Variants in AMPH observed in about 807,000 individuals in gnomAD.
AMPH encodes amphiphysin, also known as amphiphysin (Stiff-Mann syndrome with breast cancer 128kD autoantigen).
A neutral mutation model predicts 99.1 loss-of-function variants in AMPH; 49 were observed. The ratio of observed to expected loss-of-function variants is 0.49; its 90% CI spans 0.39 to 0.63. AMPH has a LOEUF of 0.63. Ranked by LOEUF, AMPH falls within the 20% of genes least tolerant of loss-of-function variation. The pLI is 0.00. For synonymous variants in AMPH, 314 were observed against 317.3 expected, an observed-to-expected ratio of 0.99 and a Z score of 0.11; for missense variants, 759 against 863.4, an observed-to-expected ratio of 0.88 and a Z score of 1.52.
At chr7:38,603,671 T>C (rs924848635) in intron 1 of AMPH, among the ~76,000 whole-genome samples, 1 of 152,150 alleles carries the variant, frequency 6.6e-6, no homozygotes, top group Non-Finnish European at 1.5e-5. Flanking sequence ...GGCCTCCATA[T>C]CAGTCTTCCA....
intron 17 of AMPH, among the ~76,000 whole-genome samples, chr7:38,415,827 C>T (rs865940640): frequency 3.9e-5 from 6 of 152,052 alleles, no homozygotes; most frequent in South Asian, 4.2e-4. Flanking sequence ...AGCTCTGCAC[C>T]TATGATTCTT....
At chr7:38,466,503 T>C (rs76271443) in intron 7 of AMPH, among the ~76,000 whole-genome samples, 14,578 of 151,350 alleles carry the variant, frequency 0.096, 921 homozygotes, top group Middle Eastern at 0.2. Flanking sequence ...ATTCTCAAAC[T>C]TTAGTGTGCA....
At chr7:38,408,334 T>C (rs1214148606) in intron 17 of AMPH, among the ~76,000 whole-genome samples, 1 of 152,216 alleles carries the variant, frequency 6.6e-6, no homozygotes, top group Non-Finnish European at 1.5e-5. Flanking sequence ...ATGCATAGAT[T>C]ATAATTTTTT....
chr7:38,566,858 A>C (rs1791763079), intron 1 of AMPH, among the ~76,000 whole-genome samples: 1 of 152,244 alleles, frequency 6.6e-6, no homozygotes, highest in African/African-American at 2.4e-5. Context: ...CATGCCAGTT[A>C]GAATGGTGAT....
At chr7:38,536,715 T>C (rs1195868946) in intron 1 of AMPH, among the ~76,000 whole-genome samples, 1 of 152,138 alleles carries the variant, frequency 6.6e-6, no homozygotes, top group African/African-American at 2.4e-5. Flanking sequence ...AAATGTATTA[T>C]TTTTCAGAAG....
At chr7:38,473,813 A>G (rs977440150) in intron 7 of AMPH, among the ~76,000 whole-genome samples, 1 of 151,542 alleles carries the variant, frequency 6.6e-6, no homozygotes, top group African/African-American at 2.4e-5. Context: ...CCATAGCATC[A>G]TATAATTTGT....
At chr7:38,543,794 T>C (rs1790897702) in intron 1 of AMPH, among the ~76,000 whole-genome samples, 1 of 152,186 alleles carries the variant, frequency 6.6e-6, no homozygotes, top group South Asian at 2.1e-4. Flanking sequence ...CCATGGGAAA[T>C]AATCTCAGGA....
intron 7 of AMPH, among the ~76,000 whole-genome samples, chr7:38,468,432 T>C (rs1787749891): frequency 6.6e-6 from 1 of 152,246 alleles, no homozygotes; most frequent in Non-Finnish European, 1.5e-5. Flanking sequence ...CCCATTCTTC[T>C]ATATTTCAAT....
rs192027571 is a variant in AMPH at position 38,569,014 on chromosome 7, C to T, written c.70-34003G>A. On this transcript the variant is annotated intron_variant, in intron 1 of 20. Transcript: ENST00000356264. ...GTAACATCTGGGTCAGAATGAGACT[C>T]AGAAACCAGGTTCCTCCAACAGCAA... 2.0e-5 allele frequency among the ~76,000 whole-genome samples: 3 copies of T among 152,266 alleles called. No individual in the cohort carries two copies. The East Asian group carries it at 5.8e-4, about 29-fold the overall frequency.
chr7:38,563,987 G>A (rs1000051638), intron 1 of AMPH, among the ~76,000 whole-genome samples: 3 of 152,104 alleles, frequency 2.0e-5, no homozygotes, highest in South Asian at 2.1e-4. Context: ...ACCCCAACTG[G>A]TGTGATCAAT....
intron 11 of AMPH, among the ~76,000 whole-genome samples, chr7:38,441,822 A>ATATATCATATATCTATCATATATATATC (rs371603521): frequency 1.0e-5 from 1 of 97,380 alleles, no homozygotes; most frequent in African/African-American, 3.9e-5. Flanking sequence ...TATATATCAT[A>ATATATCATATATCTATCATATATATATC]TATCATATAT....
chr7:38,391,431 T>C (rs60631522), intron 19 of AMPH, among the ~76,000 whole-genome samples: 12,024 of 152,234 alleles, frequency 0.079, 606 homozygotes, highest in East Asian at 0.14. Context: ...TTCCAAGGCC[T>C]GGTCTGAGCC....
intron 2 of AMPH, among the ~76,000 whole-genome samples, chr7:38,504,949 T>C (rs1789269139): frequency 6.6e-6 from 1 of 152,204 alleles, no homozygotes; most frequent in African/African-American, 2.4e-5. Context: ...AGCTCAATAA[T>C]AGGACAGCAA....
intron 7 of AMPH, among the ~76,000 whole-genome samples, chr7:38,468,609 T>C (rs1187852151): frequency 6.6e-6 from 1 of 152,222 alleles, no homozygotes; most frequent in Non-Finnish European, 1.5e-5. Context: ...GGATAAAGTG[T>C]CCAACATTTT....
chr7:38,480,640 T>C (rs1788250958), intron 5 of AMPH, among the ~76,000 whole-genome samples: 1 of 152,154 alleles, frequency 6.6e-6, no homozygotes, highest in Non-Finnish European at 1.5e-5. Flanking sequence ...GCAGAAAGCA[T>C]GGAGATACAC....
chr7:38,570,779 C>T (rs1413686062), intron 1 of AMPH, among the ~76,000 whole-genome samples: 1 of 149,146 alleles, frequency 6.7e-6, no homozygotes, highest in African/African-American at 2.5e-5. Context: ...GCATTGTTGT[C>T]CTAGGAGATG....
At chr7:38,525,258 G>GTATATATATATATATATA (rs141925117) in intron 2 of AMPH, among the ~76,000 whole-genome samples, 8 of 111,190 alleles carry the variant, frequency 7.2e-5, no homozygotes, top group Admixed American at 2.0e-4. Context: ...GTGTGTGTGT[G>GTATATATATATATATATA]TATATATATA....
chr7:38,437,639 A>AAAAAAAAGAAAAGAAAAG (rs765494380), intron 11 of AMPH, among the ~76,000 whole-genome samples: 2 of 96,728 alleles, frequency 2.1e-5, no homozygotes, highest in East Asian at 4.3e-4. Flanking sequence ...AAAAAAAAAA[A>AAAAAAAAGAAAAGAAAAG]AAAAGAAAAG....
At chr7:38,423,654 G>T (rs573308504) in intron 15 of AMPH, among the ~76,000 whole-genome samples, 1 of 152,186 alleles carries the variant, frequency 6.6e-6, no homozygotes, top group Non-Finnish European at 1.5e-5. Flanking sequence ...GTAGATCAAA[G>T]AAATCTGTAT....
Sources: allele counts gnomAD v4.1 joint callset (sites outside exome capture counted in the v4.1 genomes callset), GRCh38; gene constraint gnomAD v4.1.1; transcripts MANE v1.5; gene names NCBI Gene and HGNC (gene_info 2026-07-23, HGNC 2026-07-21).